Variants in AGL observed in about 807,000 individuals in gnomAD.
AGL encodes the protein glycogen debranching enzyme.
AGL carries 128 observed loss-of-function variants against 199.3 expected under a neutral mutation model. That is an observed-to-expected ratio of 0.64 (90% CI 0.56 to 0.74). AGL has a LOEUF of 0.74. Ranked by LOEUF, AGL falls within the 30% of genes least tolerant of loss-of-function variation. The pLI is 0.00. For missense variants in AGL, 1,809 were observed against 1,820.8 expected (o/e 0.99, Z 0.12); for synonymous variants, 584 against 594.7 (o/e 0.98, Z 0.26).
At chr1:99,857,847 A>AGGGAGGCCGT (rs1649685231) in intron 2 of AGL, among the ~76,000 whole-genome samples, 1 of 8,226 alleles carries the variant, frequency 1.2e-4, no homozygotes. Context: ...GGGGAGGGGG[A>AGGGAGGCCGT]GGGGGGAAGA....
Position 99,877,666 on chromosome 1 carries a change from A to T in AGL, c.1449A>T (p.Glu483Asp). 1 of 1,614,042 alleles carries T rather than the reference A, an allele frequency of 6.2e-7. No homozygotes were observed. The highest frequency in any genetic ancestry group is 1.1e-5 in the South Asian group (1 of 91,084). ...GTTCAGAAGTTTACCTAAGGAGAGAACTTATTTGCTGGGGAGACAGTGTTA... is the reference window on the plus strand; with the variant it reads ...GTTCAGAAGTTTACCTAAGGAGAGATCTTATTTGCTGGGGAGACAGTGTTA... ...EPGSEVYLRR[E>D]LICWGDSVKL... The change falls in exon 12 of 34, where the codon GAA (glutamate) becomes GAT (aspartate). Residue 483 changes from glutamate to aspartate, a missense_variant. Glu to Asp is a conservative substitution (Grantham distance 45). Transcript: ENST00000361915.
At chr1:99,903,544 A>G (rs149918117) in intron 27 of AGL, among the ~76,000 whole-genome samples, 148 of 152,286 alleles carry the variant, frequency 9.7e-4, no homozygotes, top group African/African-American at 3.2e-3. Flanking sequence ...ATTGATGGAC[A>G]TTTGGGTTGG....
intron 24 of AGL, 53 bp downstream of exon 24, chr1:99,892,660 G>A (rs750670519): frequency 2.5e-5 from 39 of 1,548,298 alleles, no homozygotes; most frequent in Non-Finnish European, 3.5e-5. Context: ...ATTCGCGGAA[G>A]AAAAGTTATA....
intron 7 of AGL, among the ~76,000 whole-genome samples, chr1:99,872,382 T>C (rs1571246897): frequency 6.6e-6 from 1 of 152,192 alleles, no homozygotes; most frequent in South Asian, 2.1e-4. Flanking sequence ...AAACATGGAA[T>C]TATTGAGTCA....
intron 21 of AGL, among the ~76,000 whole-genome samples, chr1:99,889,759 T>G (rs546668063): frequency 6.6e-6 from 1 of 152,328 alleles, no homozygotes; most frequent in East Asian, 1.9e-4. Context: ...TAAGTTTGGT[T>G]CTTTGCTAAT....
chr1:99,879,831 T>G, intron 12 of AGL, 92 bp from the exon 13 acceptor site: 1 of 1,012,538 alleles, frequency 9.9e-7, no homozygotes, highest in East Asian at 2.4e-5. Flanking sequence ...CTATGTCAAA[T>G]CATGCCTCCT....
At chr1:99,914,273 C>CTA (rs1337191907) in intron 30 of AGL, among the ~76,000 whole-genome samples, 2 of 152,374 alleles carry the variant, frequency 1.3e-5, no homozygotes, top group African/African-American at 2.4e-5. Flanking sequence ...CACACCTGTG[C>CTA]TATAACCAGT....
At chr1:99,892,162 G>A (rs965924122) in intron 23 of AGL, among the ~76,000 whole-genome samples, 2 of 152,034 alleles carry the variant, frequency 1.3e-5, no homozygotes, top group Admixed American at 1.3e-4. Context: ...ACTCGTGAGA[G>A]CCACCAAATT....
chr1:99,862,319 A>G lies in AGL; in HGVS notation c.356A>G (p.Asn119Ser), dbSNP rs1650113866. 1.2e-6 allele frequency: 2 copies of G among 1,613,958 alleles called. No homozygotes were observed. The highest frequency in any genetic ancestry group is 2.2e-5 in the South Asian group (2 of 91,080). Residue 119 changes from asparagine to serine, a missense_variant, in exon 4 of 34, where the codon AAT becomes AGT. By Grantham distance (46) the Asn-to-Ser change is conservative. Coordinates refer to ENST00000361915, the MANE Select transcript of AGL (RefSeq NM_000642.3). The part of the protein sequence containing the change: ...VDPILRVGAD[N>S]HVLPLDCVTL... ...CCCATTTTACGTGTTGGTGCTGATA[A>G]TCATGTGCTACCCTTGGACTGTGTT...
chr1:99,876,876 T>C (rs1173702268), intron 11 of AGL, among the ~76,000 whole-genome samples: 5 of 152,236 alleles, frequency 3.3e-5, no homozygotes, highest in Non-Finnish European at 5.9e-5. Context: ...ACATAAGCTT[T>C]TATTTGGACA....
At position 99,870,726 on chromosome 1, in the gene AGL, A is replaced by G. The variant is rs767946792; in HGVS notation, c.847-32A>G. The stretch of plus-strand genomic sequence containing the variant: ...ACTGATTTTAAATAAGTATATGTAT[A>G]TATGTATTTTTTAACTATTGACATT... On this transcript the variant is annotated intron_variant, in intron 6 of 33. Transcript: ENST00000361915. 8.4e-6 allele frequency: 12 copies of G among 1,433,330 alleles called. No homozygotes were observed. The Admixed American group carries it at 8.4e-5, about 10-fold the overall frequency. The allele number at this position is 1,433,330 out of a possible 1,614,324, so 88.8% of individuals were successfully genotyped here. A position where few individuals can be genotyped will look rare whatever the true frequency, so the allele number is the denominator to read the frequency against.
rs1570433472 is a variant in AGL, at chr1:99,875,152, A to G, written c.1083-2A>G. The G allele has an allele frequency of 6.2e-7, 1 of 1,613,022 alleles. No individual in the cohort carries two copies. The highest frequency in any genetic ancestry group is 8.5e-7 in the Non-Finnish European group (1 of 1,179,032). ...ATATCTGCATTTCTCCATCTGCTCT[A>G]GCAAGGGGCCAGCAGCAATTGAAGA... On this transcript the variant is annotated splice_acceptor_variant, in intron 8 of 33. Transcript: ENST00000361915. LOFTEE classifies it high-confidence loss of function.
At chr1:99,858,388 G>A (rs1649754223) in intron 2 of AGL, among the ~76,000 whole-genome samples, 1 of 152,208 alleles carries the variant, frequency 6.6e-6, no homozygotes, top group Non-Finnish European at 1.5e-5. Context: ...AGCAGAGTTT[G>A]GCACATATTT....
In AGL at chr1:99,888,001, C is replaced by A; in HGVS notation, c.2705C>A (p.Ala902Asp). The change falls in exon 21 of 34, where the codon GCT becomes GAT. Residue 902 changes from alanine (A) to aspartate (D), a missense_variant. By Grantham distance (126) the Ala-to-Asp change is moderately radical. Transcript: ENST00000361915. ...AGTCTTGCCTCCAGATTAACTTTGGCTGAGCTAAATCAGATCCTTTACCGA... is the reference window on the plus strand; with the variant it reads ...AGTCTTGCCTCCAGATTAACTTTGGATGAGCTAAATCAGATCCTTTACCGA... ...FASLASRLTL[A>D]ELNQILYRCE... 1.2e-6 allele frequency: 2 copies of A among 1,613,364 alleles called. No individual in the cohort carries two copies. Among genetic ancestry groups the A allele is most frequent in the African/African-American group, 2.7e-5 (2 of 74,964 alleles).
intron 12 of AGL, among the ~76,000 whole-genome samples, chr1:99,878,229 C>T (rs1180368961): frequency 6.6e-6 from 1 of 151,992 alleles, no homozygotes; most frequent in African/African-American, 2.4e-5. Flanking sequence ...CCTATAGTCC[C>T]AGCTACTCGG....
Position 99,900,781 on chromosome 1 carries a change from A to C in AGL, c.3508A>C (p.Asn1170His), listed in dbSNP as rs1236655933. 3 of 1,614,010 alleles carry C rather than the reference A, an allele frequency of 1.9e-6. No homozygotes were observed. The highest frequency in any genetic ancestry group is 2.5e-6 in the Non-Finnish European group (3 of 1,179,996). The change falls in exon 26 of 34, where the codon AAT (asparagine) becomes CAT (histidine). Residue 1170 changes from asparagine to histidine, a missense_variant. Coordinates refer to ENST00000361915, the MANE Select transcript of AGL (RefSeq NM_000642.3). ...CIQDYCKMVP[N>H]GLDILKCPVS... ...CCAGGATTACTGTAAAATGGTTCCA[A>C]ATGGTCTAGACATTCTCAAGTGCCC...
chr1:99,861,842 T>A (rs2101085699), intron 3 of AGL, 129 bp downstream of exon 3: 1 of 1,055,056 alleles, frequency 9.5e-7, no homozygotes, highest in East Asian at 2.4e-5. Context: ...GAGATGCAAA[T>A]AGAATATTCT....
chr1:99,851,514 CTT>C (rs1347535074), intron 2 of AGL, among the ~76,000 whole-genome samples: 15 of 152,132 alleles, frequency 9.9e-5, no homozygotes. Context: ...ATAACTGTCT[CTT>C]TTCCTTTGTT....
At chr1:99,887,409 G>A (rs888324998) in intron 20 of AGL, among the ~76,000 whole-genome samples, 7 of 152,134 alleles carry the variant, frequency 4.6e-5, no homozygotes, top group Non-Finnish European at 8.8e-5. Flanking sequence ...CAAGCTGAGG[G>A]GCAGTGCAAC....
Sources: gnomAD v4.1 joint callset for allele counts (sites outside exome capture counted in the v4.1 genomes callset) on GRCh38, gnomAD v4.1.1 for gene constraint, MANE v1.5 for transcripts, NCBI Gene and HGNC (gene_info 2026-07-23, HGNC 2026-07-21) for gene names.